MEGF11: variants seen among roughly 807,000 people sequenced by gnomAD.
MEGF11 encodes multiple EGF like domains 11.
In MEGF11, 126 loss-of-function variants were observed where a neutral mutation model predicts 146.6. That is an observed-to-expected ratio of 0.86 (90% CI 0.74 to 1.00). MEGF11 has a LOEUF of 1.00. MEGF11 is among the 50% of genes least tolerant of loss of function. The pLI is 0.00. For synonymous variants in MEGF11, 532 were observed against 583.4 expected (o/e 0.91, Z 1.27); for missense variants, 1,509 against 1,521.2 (o/e 0.99, Z 0.13).
At chr15:66,006,386 G>A (rs1347350820) in intron 5 of MEGF11, among the ~76,000 whole-genome samples, 1 of 152,224 alleles carries the variant, frequency 6.6e-6, no homozygotes, top group Non-Finnish European at 1.5e-5. Context: ...CCTCTGAGGG[G>A]GATGAGGAGA....
At chr15:65,969,387 A>G (rs1250550256) in intron 8 of MEGF11, among the ~76,000 whole-genome samples, 2 of 151,974 alleles carry the variant, frequency 1.3e-5, no homozygotes, top group African/African-American at 4.8e-5. Flanking sequence ...GGGAACATGC[A>G]CTCAATGTTT....
At position 65,922,882 on chromosome 15, in the gene MEGF11, G is replaced by T. The variant is rs374591366; in HGVS notation, c.1763C>A (p.Ser588Tyr). The T allele has an allele frequency of 3.7e-6, 6 of 1,613,166 alleles. No individual in the cohort carries two copies. The highest frequency in any genetic ancestry group is 5.1e-6 in the Non-Finnish European group (6 of 1,179,744). ...SCSCENGGSC[S>Y]PEDGSCECAP... ...ACACTCGCAGCTCCCATCCTCTGGG[G>T]AGCAGGAGCCTCCATTCTCACAGCT... The change falls in exon 14 of 26, where the codon TCC (serine) becomes TAC (tyrosine). Residue 588 changes from serine (S) to tyrosine (Y), a missense_variant. Ser to Tyr is a moderately radical substitution (Grantham distance 144). Transcript: ENST00000395614.
chr15:65,949,617 A>G (rs1022366258), intron 10 of MEGF11, among the ~76,000 whole-genome samples: 1 of 152,228 alleles, frequency 6.6e-6, no homozygotes, highest in Non-Finnish European at 1.5e-5. Flanking sequence ...TCCCGTCTCC[A>G]TCACAGTGGA....
At chr15:66,022,200 C>T (rs1364101982) in intron 5 of MEGF11, among the ~76,000 whole-genome samples, 1 of 152,210 alleles carries the variant, frequency 6.6e-6, no homozygotes, top group Non-Finnish European at 1.5e-5. Context: ...GTGGTGGTAG[C>T]CAGGACAGGT....
At chr15:66,210,724 C>T (rs1379747484) in intron 1 of MEGF11, among the ~76,000 whole-genome samples, 1 of 152,204 alleles carries the variant, frequency 6.6e-6, no homozygotes, top group East Asian at 1.9e-4. Context: ...GGGCTACCCT[C>T]CCAAGGCTAG....
intron 1 of MEGF11, among the ~76,000 whole-genome samples, chr15:66,224,645 TTATATATTTATATATAAAG>T (rs1567290347): frequency 6.9e-6 from 1 of 144,960 alleles, no homozygotes; most frequent in East Asian, 1.9e-4. Flanking sequence ...ACTTATTATA[TTATATATTTATATATAAAG>T]TATATATTTA....
intron 19 of MEGF11, among the ~76,000 whole-genome samples, chr15:65,915,195 C>G (rs1449666913): frequency 6.6e-6 from 1 of 152,216 alleles, no homozygotes; most frequent in African/African-American, 2.4e-5. Flanking sequence ...CTAACTTGGT[C>G]TGGTGGCCTT....
chr15:65,971,555 C>G (rs333558), intron 7 of MEGF11, among the ~76,000 whole-genome samples: 111,824 of 152,048 alleles, frequency 0.74, 42,426 homozygotes, highest in Middle Eastern at 0.85. Context: ...TCCTGCTGCT[C>G]TCTTCCCTGC....
intron 5 of MEGF11, among the ~76,000 whole-genome samples, chr15:66,006,668 G>A (rs774020052): frequency 5.3e-5 from 8 of 152,166 alleles, no homozygotes; most frequent in Admixed American, 2.6e-4. Context: ...CTGTCATTCT[G>A]CTTTTTGTTC....
intron 10 of MEGF11, among the ~76,000 whole-genome samples, chr15:65,956,841 A>G (rs1037661624): frequency 1.2e-4 from 18 of 152,274 alleles, no homozygotes; most frequent in African/African-American, 3.6e-4. Context: ...TTCTACCTAC[A>G]TAATTAGCAA....
intron 1 of MEGF11, among the ~76,000 whole-genome samples, chr15:66,132,010 G>T (rs1301301956): frequency 6.6e-6 from 1 of 152,222 alleles, no homozygotes; most frequent in Non-Finnish European, 1.5e-5. Flanking sequence ...GGCCTCTTAT[G>T]CCTGGCACCT....
intron 1 of MEGF11, among the ~76,000 whole-genome samples, chr15:66,252,577 C>A (rs1372562496): frequency 2.0e-5 from 3 of 152,182 alleles, no homozygotes; most frequent in Admixed American, 2.0e-4. Flanking sequence ...CGGGAGAAGC[C>A]GCCCGGGCTC....
intron 5 of MEGF11, among the ~76,000 whole-genome samples, chr15:65,989,781 A>G (rs2081974735): frequency 6.6e-6 from 1 of 152,212 alleles, no homozygotes; most frequent in Non-Finnish European, 1.5e-5. Context: ...TCTGTAAAAC[A>G]GGTTTGGATC....
intron 24 of MEGF11, 100 bp downstream of exon 24, chr15:65,905,985 A>G (rs764411771): frequency 7.1e-6 from 7 of 980,288 alleles, no homozygotes; most frequent in African/African-American, 6.5e-5. Flanking sequence ...GGGGGCAGGC[A>G]CACACAGTTT....
At chr15:65,992,351 A>T (rs750442290) in intron 5 of MEGF11, among the ~76,000 whole-genome samples, 18 of 149,190 alleles carry the variant, frequency 1.2e-4, no homozygotes, top group Non-Finnish European at 2.2e-4. Context: ...ATATCACTGC[A>T]CCTGCTTGGC....
At chr15:66,141,492 C>T (rs2089167095) in intron 1 of MEGF11, among the ~76,000 whole-genome samples, 1 of 151,926 alleles carries the variant, frequency 6.6e-6, no homozygotes, top group African/African-American at 2.4e-5. Flanking sequence ...GCTTCATTGT[C>T]CTCTGTTAGC....
intron 1 of MEGF11, among the ~76,000 whole-genome samples, chr15:66,235,887 T>C (rs2092080085): frequency 6.6e-6 from 1 of 152,150 alleles, no homozygotes; most frequent in Non-Finnish European, 1.5e-5. Context: ...TGACAACAAA[T>C]CTTTAACCCT....
At chr15:66,242,579 G>A (rs1253387393) in intron 1 of MEGF11, among the ~76,000 whole-genome samples, 3 of 152,042 alleles carry the variant, frequency 2.0e-5, no homozygotes, top group Admixed American at 2.0e-4. Flanking sequence ...AGGAAAAGGA[G>A]GTCCAAAGAT....
intron 24 of MEGF11, among the ~76,000 whole-genome samples, chr15:65,904,815 T>C (rs1331439096): frequency 6.6e-6 from 1 of 152,230 alleles, no homozygotes; most frequent in Non-Finnish European, 1.5e-5. Context: ...TCTGTATTTT[T>C]AATAAGCTTT....
Sources: allele counts gnomAD v4.1 joint callset (sites outside exome capture counted in the v4.1 genomes callset), GRCh38; gene constraint gnomAD v4.1.1; transcripts MANE v1.5; gene names NCBI Gene and HGNC (gene_info 2026-07-23, HGNC 2026-07-21).